Variants in PREX1 observed in about 807,000 individuals in gnomAD.
The protein encoded by PREX1 is phosphatidylinositol 3,4,5-trisphosphate-dependent Rac exchanger 1 protein.
A neutral mutation model predicts 198.3 loss-of-function variants in PREX1; 41 were observed. That is an observed-to-expected ratio of 0.21 (90% CI 0.16 to 0.27). PREX1 has a LOEUF of 0.27. PREX1 is among the 10% of genes least tolerant of loss of function. PREX1 has a pLI of 1.00. For synonymous variants in PREX1, 843 were observed against 887.2 expected (o/e 0.95, Z 0.89); for missense variants, 1,620 against 2,200.7 (o/e 0.74, Z 5.28).
intron 3 of PREX1, among the ~76,000 whole-genome samples, chr20:48,743,234 G>A (rs1403171930): frequency 1.3e-5 from 2 of 152,166 alleles, no homozygotes; most frequent in African/African-American, 4.8e-5. Context: ...TTGAACGTTG[G>A]CTGTTGGCTC....
intron 14 of PREX1, among the ~76,000 whole-genome samples, chr20:48,673,219 G>A (rs954989551): frequency 4.6e-5 from 7 of 152,138 alleles, no homozygotes; most frequent in South Asian, 2.1e-4. Flanking sequence ...GGCATCTTGC[G>A]TGCCCAAGGA....
chr20:48,672,401 G>A (rs2089681372), intron 14 of PREX1, among the ~76,000 whole-genome samples: 1 of 152,228 alleles, frequency 6.6e-6, no homozygotes, highest in African/African-American at 2.4e-5. Context: ...CTCCCCTGCT[G>A]GAATTCTAGC....
chr20:48,709,219 C>T (rs1316906489), intron 5 of PREX1, among the ~76,000 whole-genome samples: 3 of 152,218 alleles, frequency 2.0e-5, no homozygotes, highest in East Asian at 3.8e-4. Context: ...CAACCGCCCC[C>T]GTCAGTCTTT....
At chr20:48,635,167 G>A (rs942169578) in intron 32 of PREX1, among the ~76,000 whole-genome samples, 3 of 152,132 alleles carry the variant, frequency 2.0e-5, no homozygotes, top group Non-Finnish European at 4.4e-5. Flanking sequence ...GGTCATCCAA[G>A]ATCCAAACCT....
At chr20:48,792,256 A>C (rs1209481758) in intron 1 of PREX1, among the ~76,000 whole-genome samples, 1 of 152,166 alleles carries the variant, frequency 6.6e-6, no homozygotes, top group Non-Finnish European at 1.5e-5. Flanking sequence ...GGATCACCTG[A>C]GGTCAGGAGT....
the PREX1 span, among the ~76,000 whole-genome samples, chr20:48,872,015 C>G: frequency 6.6e-6 from 1 of 151,840 alleles, no homozygotes; most frequent in Non-Finnish European, 1.5e-5. Flanking sequence ...AAAAACTAGC[C>G]GGGCGTGGTG....
intron 25 of PREX1, among the ~76,000 whole-genome samples, chr20:48,647,525 A>T (rs1289448724): frequency 6.7e-6 from 1 of 150,118 alleles, no homozygotes; most frequent in Non-Finnish European, 1.5e-5. Context: ...ATCTCAAAAA[A>T]AAAAAAAAAA....
intron 1 of PREX1, among the ~76,000 whole-genome samples, chr20:48,809,272 G>A (rs887342242): frequency 3.3e-5 from 5 of 152,222 alleles, no homozygotes; most frequent in African/African-American, 1.2e-4. Flanking sequence ...TGGGCCAACG[G>A]GGCTCCCCTG....
At chr20:48,886,305 C>T in the PREX1 span, among the ~76,000 whole-genome samples, 7 of 152,200 alleles carry the variant, frequency 4.6e-5, no homozygotes, top group Non-Finnish European at 7.3e-5. Flanking sequence ...GCCAGTCACA[C>T]GCAGGTGCTC....
rs1601083601 is a variant in PREX1 at position 48,698,251 on chromosome 20, T to C, written c.917+2502A>G. Among the ~76,000 whole-genome samples, 5 of 152,228 alleles carry C rather than the reference T, an allele frequency of 3.3e-5. No homozygotes were observed. The South Asian group carries it at 1.0e-3, about 32-fold the overall frequency. Reference sequence around the variant, plus strand: ...CTTGGAATCCAGTATCAGAATCAGCTGCTGTCCCTGCACAGGTGAGACGGC... The same window carrying C: ...CTTGGAATCCAGTATCAGAATCAGCCGCTGTCCCTGCACAGGTGAGACGGC... On this transcript the variant is annotated intron_variant, in intron 7 of 39. Coordinates refer to ENST00000371941, the MANE Select transcript of PREX1 (RefSeq NM_020820.4).
At chr20:48,632,712 A>G in intron 33 of PREX1, 73 bp from the exon 34 acceptor site, 1 of 1,552,568 alleles carries the variant, frequency 6.4e-7, no homozygotes, top group African/African-American at 1.4e-5. Flanking sequence ...ACACCTCTCC[A>G]GAACAGCTGG....
chr20:48,784,143 A>G (rs1280259706), intron 1 of PREX1, among the ~76,000 whole-genome samples: 6 of 152,306 alleles, frequency 3.9e-5, no homozygotes, highest in South Asian at 4.1e-4. Flanking sequence ...AAGACCACAT[A>G]AGAAGTTCCA....
Position 48,645,934 on chromosome 20 carries a change from G to A in PREX1, c.3429C>T (p.Gly1143=), listed in dbSNP as rs760553496. ...CCACCTTGAAGCACACCTTCTTGAT[G>A]CCCCCATGGTCACTCCTGTCCATCT... ...ESEMDRSDHG[G]IKKVCFKVAE... is the part of the protein sequence containing the mutation. Residue 1143 remains glycine, a synonymous_variant, in exon 26 of 40, where the codon GGC becomes GGT. Transcript: ENST00000371941. 6.2e-7 allele frequency: 1 copy of A among 1,614,166 alleles called. No homozygotes were observed. The highest frequency in any genetic ancestry group is 8.5e-7 in the Non-Finnish European group (1 of 1,180,022).
intron 1 of PREX1, among the ~76,000 whole-genome samples, chr20:48,750,723 G>T (rs1034859307): frequency 2.0e-5 from 3 of 152,168 alleles, no homozygotes; most frequent in African/African-American, 4.8e-5. Flanking sequence ...CTTGCGTTAG[G>T]AGCTCATTTG....
chr20:48,792,845 C>CAA (rs1451921898), intron 1 of PREX1, among the ~76,000 whole-genome samples: 1 of 148,638 alleles, frequency 6.7e-6, no homozygotes, highest in Admixed American at 6.7e-5. Context: ...CACACACACA[C>CAA]ACACACACAT....
intron 35 of PREX1, among the ~76,000 whole-genome samples, chr20:48,632,074 G>A (rs892453047): frequency 5.3e-5 from 8 of 152,216 alleles, no homozygotes; most frequent in Non-Finnish European, 8.8e-5. Flanking sequence ...GGCCTCAGTC[G>A]CCTCCTCTGT....
intron 14 of PREX1, among the ~76,000 whole-genome samples, chr20:48,669,840 G>A (rs1601062731): frequency 1.3e-5 from 2 of 152,294 alleles, no homozygotes; most frequent in South Asian, 2.1e-4. Flanking sequence ...GAATGAAGAT[G>A]GAGAAGGCAA....
At chr20:48,664,733 A>AGCTCCAGACGGCCTGAATTCTAATCCTG in intron 15 of PREX1, among the ~76,000 whole-genome samples, 1 of 152,148 alleles carries the variant, frequency 6.6e-6, no homozygotes, top group African/African-American at 2.4e-5. Context: ...TTCTAATCCC[A>AGCTCCAGACGGCCTGAATTCTAATCCTG]GCTCCAGACG....
intron 5 of PREX1, among the ~76,000 whole-genome samples, chr20:48,718,706 A>C (rs1026933694): frequency 3.3e-5 from 5 of 152,220 alleles, no homozygotes; most frequent in African/African-American, 4.8e-5. Context: ...TTTCAGGAAA[A>C]CACTAGTCAA....
Sources: gnomAD v4.1 joint callset for allele counts (sites outside exome capture counted in the v4.1 genomes callset) on GRCh38, gnomAD v4.1.1 for gene constraint, MANE v1.5 for transcripts, NCBI Gene and HGNC (gene_info 2026-07-23, HGNC 2026-07-21) for gene names.